Variants in MXI1 observed in about 807,000 individuals in gnomAD.
MXI1 encodes the protein max-interacting protein 1.
Under a neutral mutation model 36.9 loss-of-function variants are expected in MXI1, and 18 were observed. The observed-to-expected ratio is 0.49, with a 90% CI of 0.34 to 0.72. The LOEUF (loss-of-function observed/expected upper bound fraction) is 0.72. Among genes scored for constraint, MXI1 ranks in the 30% least tolerant of loss-of-function variants. MXI1 has a pLI of 0.01. For synonymous variants in MXI1, 160 were observed against 146.7 expected (o/e 1.09, Z -0.65); for missense variants, 304 against 379.1 (o/e 0.80, Z 1.64).
intron 4 of MXI1, 61 bp from the exon 5 acceptor site, chr10:110,279,853 A>C (rs1234152253): frequency 8.0e-7 from 1 of 1,255,994 alleles, no homozygotes; most frequent in Non-Finnish European, 1.1e-6. Flanking sequence ...CTAAAGGAGG[A>C]ATCAGTTTTA....
At chr10:110,231,335 C>T (rs1259593552) in intron 2 of MXI1, among the ~76,000 whole-genome samples, 1 of 151,648 alleles carries the variant, frequency 6.6e-6, no homozygotes, top group Non-Finnish European at 1.5e-5. Flanking sequence ...TCACTGCATT[C>T]CAGCCTGGGC....
intron 3 of MXI1, chr10:110,257,881 C>A (rs552100112): frequency 3.6e-6 from 1 of 277,144 alleles, no homozygotes; most frequent in African/African-American, 2.3e-5. Flanking sequence ...AAACAAAAAA[C>A]AAAAACCCTC....
At position 110,275,943 on chromosome 10, in the gene MXI1, C is replaced by G. The variant is rs138674314; in HGVS notation, c.438-3237C>G. On this transcript the variant is annotated intron_variant, in intron 3 of 5. Coordinates refer to ENST00000332674, the MANE Select transcript of MXI1 (RefSeq NM_130439.3). ...TCAGAGCAGATGAATAATTATTTGA[C>G]AATAAAATGTTCAGTAGTGGCTAAA... Among the ~76,000 whole-genome samples the G allele has an allele frequency of 2.8e-3, 416 of 150,726 alleles. 2 individuals are homozygous for G. Among genetic ancestry groups the G allele is most frequent in the Non-Finnish European group, 4.8e-3 (324 of 67,820 alleles).
At chr10:110,234,204 C>G (rs986225368) in intron 2 of MXI1, among the ~76,000 whole-genome samples, 2 of 152,048 alleles carry the variant, frequency 1.3e-5, no homozygotes, top group African/African-American at 4.8e-5. Context: ...CTAGATTTCT[C>G]CTTGCAAATG....
At chr10:110,208,548 G>C (rs1407251448) in intron 1 of MXI1, 3 of 153,256 alleles carry the variant, frequency 2.0e-5, no homozygotes, top group African/African-American at 7.3e-5. Flanking sequence ...AGAGGTTCCA[G>C]AAAGAAAACA....
At chr10:110,268,778 C>T (rs1476923094) in intron 3 of MXI1, among the ~76,000 whole-genome samples, 1 of 151,674 alleles carries the variant, frequency 6.6e-6, no homozygotes, top group South Asian at 2.1e-4. Flanking sequence ...AAAAGTGATA[C>T]AGTATAATGA....
At chr10:110,253,418 G>C (rs912538328) in intron 3 of MXI1, among the ~76,000 whole-genome samples, 4 of 151,962 alleles carry the variant, frequency 2.6e-5, no homozygotes, top group Admixed American at 2.6e-4. Flanking sequence ...GACTAATTTA[G>C]GATTCCTTGG....
chr10:110,273,390 C>T (rs1432095834), intron 3 of MXI1, among the ~76,000 whole-genome samples: 1 of 152,098 alleles, frequency 6.6e-6, no homozygotes, highest in Non-Finnish European at 1.5e-5. Context: ...AGCTGAACAG[C>T]AGAATATGAT....
At chr10:110,258,020 CTAGA>C (rs1856379102) in intron 3 of MXI1, among the ~76,000 whole-genome samples, 1 of 151,610 alleles carries the variant, frequency 6.6e-6, no homozygotes, top group South Asian at 2.1e-4. Flanking sequence ...AAAATTAAGA[CTAGA>C]TATTGAAAGA....
rs1404260144 is a variant in MXI1 at position 110,236,006 on chromosome 10, CA to C, written c.407+7693del. 2.7e-5 allele frequency among the ~76,000 whole-genome samples: 4 copies of C among 150,628 alleles called. No homozygotes were observed. The East Asian group carries it at 5.9e-4, about 22-fold the overall frequency. On this transcript the variant is annotated intron_variant, in intron 2 of 5. Coordinates refer to ENST00000332674, the MANE Select transcript of MXI1 (RefSeq NM_130439.3). Reference sequence around the variant, plus strand: ...TGGGCAACAGAGTGAGACTCCATCTCAAAAAAAATTTTTTTCTCTATTTTCT... The same window carrying C: ...TGGGCAACAGAGTGAGACTCCATCTCAAAAAAATTTTTTTCTCTATTTTCT...
At chr10:110,280,540 C>T (rs1021989757) in intron 5 of MXI1, among the ~76,000 whole-genome samples, 22 of 151,646 alleles carry the variant, frequency 1.5e-4, no homozygotes, top group Non-Finnish European at 2.8e-4. Context: ...ATTAGACGGG[C>T]GTGGTGGCAG....
Position 110,287,275 on chromosome 10 carries a change from G to T in MXI1, c.*2288G>T, listed in dbSNP as rs1564730580. The T allele has an allele frequency of 1.3e-5, 2 of 151,276 alleles. No individual in the cohort carries two copies. The highest frequency in any genetic ancestry group is 1.3e-4 in the Admixed American group (2 of 15,210). 9.4% of individuals were successfully genotyped at this position (151,276 alleles called of 1,614,324 possible). ...TGTTTTCCTTGGGGTGGTGTAGATT[G>T]TATGAGTAAGAAGTATTAATTTTTT... On this transcript the variant is annotated 3_prime_UTR_variant, in exon 6 of 6. Transcript: ENST00000332674.
intron 2 of MXI1, among the ~76,000 whole-genome samples, chr10:110,239,692 G>A (rs1177001326): frequency 6.6e-6 from 1 of 152,016 alleles, no homozygotes; most frequent in African/African-American, 2.4e-5. Flanking sequence ...GATTTGTCAA[G>A]GACTTACATT....
chr10:110,281,930 T>C (rs1463380109), intron 5 of MXI1, among the ~76,000 whole-genome samples: 2 of 152,200 alleles, frequency 1.3e-5, no homozygotes, highest in Non-Finnish European at 2.9e-5. Context: ...TTAACAGTTT[T>C]AGCAATTATT....
At chr10:110,216,366 C>T (rs1854635460) in intron 1 of MXI1, among the ~76,000 whole-genome samples, 1 of 152,134 alleles carries the variant, frequency 6.6e-6, no homozygotes, top group Non-Finnish European at 1.5e-5. Flanking sequence ...GGAGTACATA[C>T]TTGCTTAATG....
intron 3 of MXI1, chr10:110,261,027 G>A (rs1026184960): frequency 2.0e-6 from 2 of 985,060 alleles, no homozygotes; most frequent in Non-Finnish European, 2.4e-6. Context: ...GTGATCACTG[G>A]ATGGAGTGAG....
intron 3 of MXI1, among the ~76,000 whole-genome samples, chr10:110,246,087 C>T (rs1855854617): frequency 6.6e-6 from 1 of 151,918 alleles, no homozygotes; most frequent in Admixed American, 6.6e-5. Flanking sequence ...TTTGGAAAGC[C>T]CAGGTGGGAG....
At chr10:110,221,968 C>T (rs766001169) in intron 1 of MXI1, among the ~76,000 whole-genome samples, 1 of 152,200 alleles carries the variant, frequency 6.6e-6, no homozygotes, top group Non-Finnish European at 1.5e-5. Context: ...GTCATCCCTT[C>T]TAGACCCAAA....
intron 2 of MXI1, among the ~76,000 whole-genome samples, chr10:110,231,196 G>A (rs1223970180): frequency 1.3e-5 from 2 of 152,064 alleles, no homozygotes; most frequent in Non-Finnish European, 2.9e-5. Flanking sequence ...ATGAAACCCT[G>A]TCTCTACTAA....
Sources: gnomAD v4.1 joint callset for allele counts (sites outside exome capture counted in the v4.1 genomes callset) on GRCh38, gnomAD v4.1.1 for gene constraint, MANE v1.5 for transcripts, NCBI Gene and HGNC (gene_info 2026-07-23, HGNC 2026-07-21) for gene names.